Variants in GSK3B observed in about 807,000 individuals in gnomAD.
GSK3B encodes the protein glycogen synthase kinase 3 beta.
A neutral mutation model predicts 56.4 loss-of-function variants in GSK3B; 15 were observed. The ratio of observed to expected loss-of-function variants is 0.27; its 90% CI spans 0.18 to 0.41. GSK3B has a LOEUF of 0.41. GSK3B is among the 10% of genes least tolerant of loss of function. The probability of loss-of-function intolerance (pLI) is 1.00; values close to 1 mark genes in which losing one functional copy is unlikely to be tolerated. For synonymous variants in GSK3B, 181 were observed against 188.9 expected (o/e 0.96, Z 0.34); for missense variants, 300 against 513.4 (o/e 0.58, Z 4.02).
chr3:119,865,899 G>A (rs1028634893), intron 8 of GSK3B, among the ~76,000 whole-genome samples: 6 of 152,036 alleles, frequency 3.9e-5, no homozygotes, highest in Non-Finnish European at 2.9e-5. Flanking sequence ...AAGTTCAAGA[G>A]TTAAAAACAA....
chr3:119,864,337 T>C (rs1425379868), intron 8 of GSK3B, among the ~76,000 whole-genome samples: 1 of 152,160 alleles, frequency 6.6e-6, no homozygotes, highest in Non-Finnish European at 1.5e-5. Flanking sequence ...TTCAATTAAA[T>C]TAATCTACTT....
intron 1 of GSK3B, among the ~76,000 whole-genome samples, chr3:120,040,977 C>T (rs951786850): frequency 6.6e-6 from 1 of 152,050 alleles, no homozygotes; most frequent in Non-Finnish European, 1.5e-5. Flanking sequence ...GGACTCCATG[C>T]ACCTAAGTCG....
intron 8 of GSK3B, among the ~76,000 whole-genome samples, chr3:119,870,437 T>C (rs1247303626): frequency 2.6e-5 from 4 of 152,160 alleles, no homozygotes; most frequent in African/African-American, 9.7e-5. Flanking sequence ...AAATAGAATT[T>C]TGTCTTCTTT....
rs539087131 is a variant in GSK3B, at chr3:120,070,251, AAC to A, written c.88+23094_88+23095del. ...AACAAAACAAAAAACAAAAAAAAAA[AAC>A]ATCCTGTATATATAACAGTTTAAAT... On this transcript the variant is annotated intron_variant, in intron 1 of 10. Coordinates refer to ENST00000264235, the MANE Select transcript of GSK3B (RefSeq NM_001146156.2). Among the ~76,000 whole-genome samples the A allele has an allele frequency of 3.4e-4, 51 of 149,714 alleles. No homozygotes were observed. In the South Asian group the frequency reaches 3.7e-3, roughly 11 times the overall value.
At chr3:119,881,796 G>A (rs1352525048) in intron 7 of GSK3B, among the ~76,000 whole-genome samples, 1 of 152,156 alleles carries the variant, frequency 6.6e-6, no homozygotes, top group African/African-American at 2.4e-5. Flanking sequence ...GTCATGGGAG[G>A]GACCCAGTGG....
chr3:119,879,958 G>C (rs2056361743), intron 7 of GSK3B, among the ~76,000 whole-genome samples: 1 of 152,154 alleles, frequency 6.6e-6, no homozygotes, highest in Non-Finnish European at 1.5e-5. Context: ...TCAATATACT[G>C]ATTTCCTTTC....
intron 2 of GSK3B, among the ~76,000 whole-genome samples, chr3:119,995,143 C>T (rs1236639058): frequency 7.2e-6 from 1 of 138,468 alleles, no homozygotes. Flanking sequence ...CTGGGCAAAA[C>T]AGGGAGACAC....
chr3:119,929,638 C>T (rs1168506446), intron 3 of GSK3B, among the ~76,000 whole-genome samples: 1 of 152,042 alleles, frequency 6.6e-6, no homozygotes, highest in African/African-American at 2.4e-5. Context: ...CATGGTGGCT[C>T]ACGCCTGTAA....
rs149273587 is a variant in GSK3B, at chr3:120,003,814, A to G, written c.89-1575T>C. Among the ~76,000 whole-genome samples the G allele has an allele frequency of 2.8e-4, 43 of 152,274 alleles. No individual in the cohort carries two copies. In the East Asian group the frequency reaches 7.7e-3, roughly 27 times the overall value. ...TGAATAGGAACAGTTCTGGTCTACA[A>G]CTCCCAGGAAGATCTTTGCAGAACA... is the stretch of plus-strand genomic sequence containing the variant. On this transcript the variant is annotated intron_variant, in intron 1 of 10. Coordinates refer to ENST00000264235, the MANE Select transcript of GSK3B (RefSeq NM_001146156.2).
chr3:120,027,917 A>G (rs1487976611), intron 1 of GSK3B, among the ~76,000 whole-genome samples: 1 of 152,242 alleles, frequency 6.6e-6, no homozygotes, highest in Non-Finnish European at 1.5e-5. Flanking sequence ...ATTCAATTAT[A>G]TTCTTTCCAA....
At chr3:119,879,459 G>T (rs1004007893) in intron 7 of GSK3B, among the ~76,000 whole-genome samples, 1 of 152,080 alleles carries the variant, frequency 6.6e-6, no homozygotes, top group South Asian at 2.1e-4. Flanking sequence ...GGGATTACAG[G>T]TGTGAGCCAT....
intron 1 of GSK3B, among the ~76,000 whole-genome samples, chr3:120,045,106 C>A (rs1354812539): frequency 6.6e-6 from 1 of 152,206 alleles, no homozygotes; most frequent in Non-Finnish European, 1.5e-5. Flanking sequence ...ACAGCACTTA[C>A]TAAAATCTCC....
intron 2 of GSK3B, among the ~76,000 whole-genome samples, chr3:119,978,403 T>C (rs548891710): frequency 7.9e-5 from 12 of 152,298 alleles, no homozygotes; most frequent in African/African-American, 2.9e-4. Context: ...AGGAAACACT[T>C]CTTAACGAAA....
chr3:119,908,329 T>C (rs2056702933), intron 6 of GSK3B, among the ~76,000 whole-genome samples: 1 of 152,232 alleles, frequency 6.6e-6, no homozygotes, highest in South Asian at 2.1e-4. Context: ...CAGTATCATA[T>C]ATTTGAATAA....
chr3:119,863,777 C>T (rs957463977), intron 8 of GSK3B, among the ~76,000 whole-genome samples, 172 bp from the exon 9 acceptor site: 1 of 151,874 alleles, frequency 6.6e-6, no homozygotes, highest in African/African-American at 2.4e-5. Context: ...GGGTGAATTG[C>T]TAATTAAAGA....
intron 7 of GSK3B, among the ~76,000 whole-genome samples, chr3:119,897,805 A>AG (rs1183859782): frequency 5.3e-4 from 81 of 151,570 alleles, no homozygotes; most frequent in African/African-American, 1.8e-3. Flanking sequence ...AAAAAAAAAA[A>AG]AAAAAAGAAA....
intron 2 of GSK3B, among the ~76,000 whole-genome samples, chr3:119,951,408 C>G (rs1198637776): frequency 6.6e-6 from 1 of 152,160 alleles, no homozygotes; most frequent in Non-Finnish European, 1.5e-5. Flanking sequence ...CCAGTCTCTA[C>G]TAAAAATATA....
At chr3:120,000,206 T>A (rs967668052) in intron 2 of GSK3B, among the ~76,000 whole-genome samples, 6 of 152,204 alleles carry the variant, frequency 3.9e-5, no homozygotes, top group Non-Finnish European at 5.9e-5. Flanking sequence ...ACAGTCTGAA[T>A]AACAGTGAAT....
At chr3:119,843,426 G>A (rs138540373) in intron 9 of GSK3B, 73 bp from the exon 10 acceptor site, 2 of 790,704 alleles carry the variant, frequency 2.5e-6, no homozygotes, top group Non-Finnish European at 4.2e-6. Context: ...ATTGGTAAGA[G>A]TGAAAATAAG....
Sources: allele counts gnomAD v4.1 joint callset (sites outside exome capture counted in the v4.1 genomes callset), GRCh38; gene constraint gnomAD v4.1.1; transcripts MANE v1.5; gene names NCBI Gene and HGNC (gene_info 2026-07-23, HGNC 2026-07-21).